Variants in MYT1L observed in about 807,000 individuals in gnomAD.
MYT1L encodes myelin transcription factor 1-like protein.
In MYT1L, 12 loss-of-function variants were observed where a neutral mutation model predicts 126.7. That is an observed-to-expected ratio of 0.09 (90% confidence interval 0.06 to 0.15). MYT1L has a LOEUF of 0.15. MYT1L is among the 10% of genes least tolerant of loss of function. MYT1L has a pLI of 1.00. For synonymous variants in MYT1L, 541 were observed against 604.2 expected (o/e 0.90, Z 1.53); for missense variants, 979 against 1,585.2 (o/e 0.62, Z 6.49).
At chr2:1,967,518 T>C (rs2059461768) in intron 8 of MYT1L, among the ~76,000 whole-genome samples, 1 of 152,218 alleles carries the variant, frequency 6.6e-6, no homozygotes, top group African/African-American at 2.4e-5. Flanking sequence ...CCTTTCCTCC[T>C]TTATTAGAAA....
intron 2 of MYT1L, among the ~76,000 whole-genome samples, chr2:2,250,426 C>A (rs1452016922): frequency 6.6e-6 from 1 of 152,060 alleles, no homozygotes; most frequent in Non-Finnish European, 1.5e-5. Flanking sequence ...ACAAACATTA[C>A]ATATTCTCAC....
At chr2:2,119,283 A>G (rs1391271349) in intron 3 of MYT1L, among the ~76,000 whole-genome samples, 7 of 152,262 alleles carry the variant, frequency 4.6e-5, no homozygotes, top group Non-Finnish European at 1.5e-5. Context: ...AAAATTACAG[A>G]GTGCTTTTAC....
intron 2 of MYT1L, among the ~76,000 whole-genome samples, chr2:2,184,126 T>G (rs2091869567): frequency 6.6e-6 from 1 of 151,854 alleles, no homozygotes. Context: ...GTAGATGGCT[T>G]GAATAATGTA....
At chr2:2,086,501 C>T (rs1468863257) in intron 3 of MYT1L, among the ~76,000 whole-genome samples, 1 of 152,144 alleles carries the variant, frequency 6.6e-6, no homozygotes, top group African/African-American at 2.4e-5. Context: ...CCATCATACC[C>T]ATTTGTTCTA....
chr2:2,211,882 G>A (rs2093530380), intron 2 of MYT1L, among the ~76,000 whole-genome samples: 1 of 151,028 alleles, frequency 6.6e-6, no homozygotes, highest in Non-Finnish European at 1.5e-5. Flanking sequence ...ACTCTTTGTG[G>A]TACAAATGAT....
intron 4 of MYT1L, among the ~76,000 whole-genome samples, chr2:2,001,460 T>C (rs939205054): frequency 6.6e-6 from 1 of 152,242 alleles, no homozygotes; most frequent in Non-Finnish European, 1.5e-5. Flanking sequence ...GTGTGGTTAA[T>C]ATCTCACACA....
intron 2 of MYT1L, among the ~76,000 whole-genome samples, chr2:2,202,534 AATTCAT>A (rs1367429402): frequency 6.6e-6 from 1 of 152,192 alleles, no homozygotes; most frequent in East Asian, 1.9e-4. Flanking sequence ...GAAATGGATA[AATTCAT>A]CAACACACAC....
intron 3 of MYT1L, among the ~76,000 whole-genome samples, chr2:2,119,941 T>C (rs2080761386): frequency 1.3e-5 from 2 of 152,118 alleles, no homozygotes; most frequent in Admixed American, 6.5e-5. Context: ...GAAATATGTA[T>C]GTGTGCGAGT....
intron 3 of MYT1L, among the ~76,000 whole-genome samples, chr2:2,139,864 A>C (rs2083685101): frequency 6.6e-6 from 1 of 152,208 alleles, no homozygotes; most frequent in South Asian, 2.1e-4. Flanking sequence ...TTCTTGAAAA[A>C]TAAAAATGTG....
chr2:1,952,206 C>T (rs2057818552), intron 8 of MYT1L, among the ~76,000 whole-genome samples: 1 of 152,154 alleles, frequency 6.6e-6, no homozygotes, highest in Non-Finnish European at 1.5e-5. Flanking sequence ...AAAATAATCT[C>T]AGTTTCTGGA....
intron 3 of MYT1L, among the ~76,000 whole-genome samples, chr2:2,102,622 G>C (rs1328541476): frequency 6.6e-6 from 1 of 150,584 alleles, no homozygotes; most frequent in Non-Finnish European, 1.5e-5. Context: ...GTGTGTGTGT[G>C]TGTGTGTGTG....
intron 8 of MYT1L, among the ~76,000 whole-genome samples, chr2:1,966,245 G>T (rs1191280319): frequency 6.6e-6 from 1 of 152,274 alleles, no homozygotes; most frequent in East Asian, 1.9e-4. Context: ...TTCACAGGAA[G>T]AAACAGGCAT....
intron 3 of MYT1L, among the ~76,000 whole-genome samples, chr2:2,084,100 A>G (rs1290694083): frequency 6.6e-6 from 1 of 151,312 alleles, no homozygotes; most frequent in African/African-American, 2.4e-5. Context: ...CAGTAAGCCC[A>G]TGTGCTGATG....
At chr2:1,840,645 A>C in intron 20 of MYT1L, 115 bp downstream of exon 20, 1 of 741,510 alleles carries the variant, frequency 1.3e-6, no homozygotes, top group East Asian at 2.8e-5. Context: ...ATCTCAAAGA[A>C]TGGCCACTAA....
intron 18 of MYT1L, among the ~76,000 whole-genome samples, chr2:1,876,477 G>C (rs923809488): frequency 2.0e-5 from 3 of 151,784 alleles, no homozygotes; most frequent in African/African-American, 7.3e-5. Context: ...CTCCTGCAGG[G>C]ACCCTGACCC....
At chr2:2,133,417 G>A (rs1283450178) in intron 3 of MYT1L, among the ~76,000 whole-genome samples, 6 of 152,140 alleles carry the variant, frequency 3.9e-5, no homozygotes, top group Admixed American at 6.5e-5. Context: ...TGCTTCTCAA[G>A]CATGCTAATC....
chr2:1,874,904 C>G (rs1297653661), intron 18 of MYT1L, among the ~76,000 whole-genome samples: 1 of 152,176 alleles, frequency 6.6e-6, no homozygotes, highest in Non-Finnish European at 1.5e-5. Context: ...TAAGGAAGAG[C>G]CCGGAGCTTG....
chr2:1,948,657 A>C (rs1031235959), intron 8 of MYT1L, among the ~76,000 whole-genome samples: 1 of 150,342 alleles, frequency 6.7e-6, no homozygotes, highest in Non-Finnish European at 1.5e-5. Flanking sequence ...ATGTGGGGGC[A>C]CTGGTGGTGC....
chr2:2,161,166 T>C (rs945716764), intron 3 of MYT1L, among the ~76,000 whole-genome samples: 12 of 152,226 alleles, frequency 7.9e-5, no homozygotes, highest in Middle Eastern at 3.4e-3. Context: ...TGAGCCGAGA[T>C]TGCACCACTG....
Sources: allele counts gnomAD v4.1 joint callset (sites outside exome capture counted in the v4.1 genomes callset), GRCh38; gene constraint gnomAD v4.1.1; transcripts MANE v1.5; gene names NCBI Gene and HGNC (gene_info 2026-07-23, HGNC 2026-07-21).